TRPM3: variants seen among roughly 807,000 people sequenced by gnomAD.
The protein encoded by TRPM3 is transient receptor potential cation channel subfamily M member 3, also known as long transient receptor potential channel 3.
Under a neutral mutation model 181.2 loss-of-function variants are expected in TRPM3, and 77 were observed. The observed-to-expected ratio is 0.42, with a 90% CI of 0.35 to 0.51. The LOEUF (loss-of-function observed/expected upper bound fraction) is 0.51. Ranked by LOEUF, TRPM3 falls within the 20% of genes least tolerant of loss-of-function variation. The pLI, the probability that TRPM3 is intolerant of heterozygous loss-of-function variation, is 0.01. For missense variants in TRPM3, 1,759 were observed against 2,196.7 expected (o/e 0.80, Z 3.98); for synonymous variants, 745 against 796.4 (o/e 0.94, Z 1.09).
At chr9:71,351,165 T>C (rs1565488913) in intron 1 of TRPM3, among the ~76,000 whole-genome samples, 1 of 152,190 alleles carries the variant, frequency 6.6e-6, no homozygotes, top group Non-Finnish European at 1.5e-5. Context: ...TGTTGTCAAT[T>C]TGTTTGGCCC....
At chr9:71,249,030 C>T (rs1822602248) in intron 1 of TRPM3, among the ~76,000 whole-genome samples, 1 of 152,182 alleles carries the variant, frequency 6.6e-6, no homozygotes, top group African/African-American at 2.4e-5. Context: ...AGTGTTTCAT[C>T]TGGAATATAC....
chr9:70,991,822 A>G (rs2097489390), intron 1 of TRPM3, among the ~76,000 whole-genome samples: 1 of 151,886 alleles, frequency 6.6e-6, no homozygotes, highest in African/African-American at 2.4e-5. Flanking sequence ...TCATCCTTGT[A>G]CTCTACATTC....
intron 1 of TRPM3, among the ~76,000 whole-genome samples, chr9:71,298,083 C>T (rs12352320): frequency 2.6e-3 from 387 of 148,756 alleles, no homozygotes; most frequent in African/African-American, 8.6e-3. Context: ...TGCCAGTAAA[C>T]TCTGCCACCA....
chr9:70,787,612 T>C (rs1167282899), intron 6 of TRPM3, among the ~76,000 whole-genome samples: 3 of 152,114 alleles, frequency 2.0e-5, no homozygotes, highest in Non-Finnish European at 4.4e-5. Flanking sequence ...TGACATCAGA[T>C]AACTAGTAAT....
chr9:70,855,247 G>A (rs1367314056), intron 3 of TRPM3, among the ~76,000 whole-genome samples: 3 of 152,186 alleles, frequency 2.0e-5, no homozygotes, highest in African/African-American at 4.8e-5. Context: ...AGTAGGCAAA[G>A]GCTGATTGGT....
At chr9:70,829,987 G>A (rs1462535436) in intron 5 of TRPM3, among the ~76,000 whole-genome samples, 1 of 152,194 alleles carries the variant, frequency 6.6e-6, no homozygotes, top group African/African-American at 2.4e-5. Flanking sequence ...AAGTGCCTCT[G>A]CATTGTGCTT....
At chr9:71,156,376 GACACACACACAC>G (rs71507025) in intron 1 of TRPM3, among the ~76,000 whole-genome samples, 8,803 of 138,408 alleles carry the variant, frequency 0.064, 378 homozygotes, top group African/African-American at 0.13. Context: ...ATATACTACA[GACACACACACAC>G]ACACACACAC....
At chr9:70,780,572 T>A (rs2082249508) in intron 7 of TRPM3, among the ~76,000 whole-genome samples, 1 of 152,100 alleles carries the variant, frequency 6.6e-6, no homozygotes, top group Non-Finnish European at 1.5e-5. Context: ...TACTGCAAGA[T>A]AATGTTATTT....
chr9:71,336,754 G>C (rs548426626), intron 1 of TRPM3, among the ~76,000 whole-genome samples: 6 of 152,168 alleles, frequency 3.9e-5, no homozygotes, highest in Admixed American at 3.9e-4. Flanking sequence ...CCAAAATAGA[G>C]ATATAGACCA....
chr9:71,286,900 A>C (rs2085316228), intron 1 of TRPM3, among the ~76,000 whole-genome samples: 1 of 129,360 alleles, frequency 7.7e-6, no homozygotes. Context: ...ATCACCTCTC[A>C]CAGAAGCATT....
intron 1 of TRPM3, among the ~76,000 whole-genome samples, chr9:71,373,050 A>T (rs1234979078): frequency 6.6e-6 from 1 of 152,198 alleles, no homozygotes; most frequent in Non-Finnish European, 1.5e-5. Flanking sequence ...ATTAAGGCAG[A>T]AATCAAGGAG....
chr9:71,420,713 A>AAG (rs1187950500), intron 1 of TRPM3, among the ~76,000 whole-genome samples: 3 of 20,602 alleles, frequency 1.5e-4, no homozygotes, highest in Non-Finnish European at 2.1e-4. Context: ...GAGAGAAAGA[A>AAG]AGAGAGAAAG....
rs185742582 is a variant in TRPM3 at position 70,744,964 on chromosome 9, C to T, written c.1272+16637G>A. 5.9e-5 allele frequency among the ~76,000 whole-genome samples: 9 copies of T among 152,236 alleles called. No homozygotes were observed. The East Asian group carries it at 1.4e-3, about 23-fold the overall frequency. ...CAAGCTTGAACTTGTAACTTATTGT[C>T]TTTGAGTCTTGGTTTCTCTCTGTAA... is the stretch of plus-strand genomic sequence containing the variant. On this transcript the variant is annotated intron_variant, in intron 8 of 25. Transcript: ENST00000677713.
intron 1 of TRPM3, among the ~76,000 whole-genome samples, chr9:71,409,204 C>T (rs930496884): frequency 2.6e-5 from 4 of 152,208 alleles, no homozygotes; most frequent in South Asian, 2.1e-4. Context: ...CATCAACTAC[C>T]GAGCAAAATA....
At chr9:71,044,289 C>T (rs1038673017) in intron 1 of TRPM3, among the ~76,000 whole-genome samples, 8 of 152,128 alleles carry the variant, frequency 5.3e-5, no homozygotes, top group African/African-American at 1.9e-4. Flanking sequence ...CCCAAACACC[C>T]GGTCCTCACC....
At chr9:70,762,820 GTTC>G (rs1338280049) in intron 7 of TRPM3, among the ~76,000 whole-genome samples, 4 of 152,168 alleles carry the variant, frequency 2.6e-5, no homozygotes, top group Non-Finnish European at 5.9e-5. Context: ...TCAGAACCTA[GTTC>G]TTCTGAATAT....
At chr9:71,422,251 T>C (rs2093789231) in intron 1 of TRPM3, among the ~76,000 whole-genome samples, 1 of 152,058 alleles carries the variant, frequency 6.6e-6, no homozygotes, top group Non-Finnish European at 1.5e-5. Flanking sequence ...ATGATTATTC[T>C]GACATCATAC....
chr9:70,551,212 T>G (rs1205235741), intron 24 of TRPM3, among the ~76,000 whole-genome samples: 1 of 152,212 alleles, frequency 6.6e-6, no homozygotes, highest in Non-Finnish European at 1.5e-5. Context: ...TGCCAGAACT[T>G]GGCAGTGCCC....
At chr9:70,948,174 A>G (rs1363211673) in intron 1 of TRPM3, among the ~76,000 whole-genome samples, 2 of 152,004 alleles carry the variant, frequency 1.3e-5, no homozygotes, top group Non-Finnish European at 2.9e-5. Flanking sequence ...TTTTCATTAA[A>G]GTATACCAGC....
Sources: allele counts gnomAD v4.1 joint callset (sites outside exome capture counted in the v4.1 genomes callset), GRCh38; gene constraint gnomAD v4.1.1; transcripts MANE v1.5; gene names NCBI Gene and HGNC (gene_info 2026-07-23, HGNC 2026-07-21).